The following FHIT variants were observed in gnomAD, a reference collection of about 807,000 sequenced individuals.
The protein encoded by FHIT is fragile histidine triad diadenosine triphosphatase.
Under a neutral mutation model 17.9 loss-of-function variants are expected in FHIT, and 19 were observed. The observed-to-expected ratio is 1.06, with a 90% confidence interval of 0.74 to 1.56. The LOEUF is 1.56. Ranked by LOEUF, FHIT falls within the 40% of genes most tolerant of loss-of-function variation. FHIT has a pLI of 0.00. For synonymous variants in FHIT, 81 were observed against 69.7 expected, an observed-to-expected ratio of 1.16 and a Z score of -0.81; for missense variants, 248 against 189.2, an observed-to-expected ratio of 1.31 and a Z score of -1.82.
chr3:60,112,188 C>T (rs9814915), intron 5 of FHIT, among the ~76,000 whole-genome samples: 109,410 of 151,984 alleles, frequency 0.72, 39,648 homozygotes, highest in South Asian at 0.81. Flanking sequence ...AAAGTTGGTG[C>T]TGGAGAAATA....
Position 60,030,807 on chromosome 3 carries a change from G to A in FHIT, c.104-16655C>T, listed in dbSNP as rs183401247. 3.2e-3 allele frequency among the ~76,000 whole-genome samples: 483 copies of A among 152,140 alleles called. 3 individuals are homozygous for A. The highest frequency in any genetic ancestry group is 0.01 in the Middle Eastern group (3 of 294). On this transcript the variant is annotated intron_variant, in intron 5 of 9. Coordinates refer to ENST00000492590, the MANE Select transcript of FHIT (RefSeq NM_002012.4). Reference sequence around the variant, plus strand: ...TGTCTAAGGGAATGACTATTAGAACGAATGACTGTTGAATGAATTACTGTT... The same window carrying A: ...TGTCTAAGGGAATGACTATTAGAACAAATGACTGTTGAATGAATTACTGTT...
chr3:60,968,892 A>G (rs553219703), intron 3 of FHIT, among the ~76,000 whole-genome samples: 1 of 152,328 alleles, frequency 6.6e-6, no homozygotes, highest in Admixed American at 6.5e-5. Flanking sequence ...TTTTCAAATA[A>G]TCAGCTTGTA....
intron 2 of FHIT, among the ~76,000 whole-genome samples, chr3:61,130,816 G>A (rs2036741585): frequency 6.6e-6 from 1 of 152,172 alleles, no homozygotes; most frequent in Non-Finnish European, 1.5e-5. Flanking sequence ...AAAGAACCAG[G>A]AGACCAGTGG....
chr3:61,205,811 G>A (rs1228191179), intron 1 of FHIT, among the ~76,000 whole-genome samples: 34 of 151,612 alleles, frequency 2.2e-4, no homozygotes, highest in African/African-American at 7.8e-4. Context: ...GTGCAGAAGT[G>A]CTTTAGTTTA....
chr3:60,073,315 G>A (rs2630207), intron 5 of FHIT, among the ~76,000 whole-genome samples: 99,189 of 151,760 alleles, frequency 0.65, 33,324 homozygotes, highest in Middle Eastern at 0.76. Context: ...AAACTATTGG[G>A]AAAGGGGATT....
intron 5 of FHIT, among the ~76,000 whole-genome samples, chr3:60,316,583 A>G (rs1709176665): frequency 6.6e-6 from 1 of 152,196 alleles, no homozygotes; most frequent in Admixed American, 6.5e-5. Flanking sequence ...TTTCCTTGTC[A>G]TTGAGCTAAA....
chr3:60,866,649 T>A (rs1553753928), intron 3 of FHIT, among the ~76,000 whole-genome samples: 1 of 152,198 alleles, frequency 6.6e-6, no homozygotes, highest in African/African-American at 2.4e-5. Flanking sequence ...TTTTAAGCAG[T>A]TGAGTTTTGG....
intron 5 of FHIT, among the ~76,000 whole-genome samples, chr3:60,415,941 A>C (rs1268299153): frequency 6.7e-6 from 1 of 148,700 alleles, no homozygotes; most frequent in Non-Finnish European, 1.5e-5. Context: ...AATTATAATT[A>C]TAGTGTAAAA....
At chr3:60,117,870 C>G (rs1293067195) in intron 5 of FHIT, among the ~76,000 whole-genome samples, 2 of 152,168 alleles carry the variant, frequency 1.3e-5, no homozygotes, top group African/African-American at 2.4e-5. Flanking sequence ...AGACCACCAA[C>G]TGCAGGGTCA....
intron 2 of FHIT, among the ~76,000 whole-genome samples, chr3:61,111,748 A>T (rs1305686565): frequency 3.9e-5 from 6 of 152,238 alleles, no homozygotes. Flanking sequence ...AACTGGAAAG[A>T]AACTAATATT....
chr3:60,587,478 C>G (rs2037943902), intron 4 of FHIT, among the ~76,000 whole-genome samples: 1 of 151,834 alleles, frequency 6.6e-6, no homozygotes, highest in Non-Finnish European at 1.5e-5. Flanking sequence ...ATGTAACAAA[C>G]CTGCTTGTTC....
intron 8 of FHIT, among the ~76,000 whole-genome samples, chr3:59,833,200 T>A (rs985630330): frequency 6.6e-6 from 1 of 152,198 alleles, no homozygotes; most frequent in Non-Finnish European, 1.5e-5. Flanking sequence ...CAGCTTCAAA[T>A]GGATATGTTG....
intron 2 of FHIT, among the ~76,000 whole-genome samples, chr3:61,164,984 T>A (rs1022784755): frequency 6.6e-6 from 1 of 152,246 alleles, no homozygotes; most frequent in Non-Finnish European, 1.5e-5. Flanking sequence ...TCTTTTTTTA[T>A]GACTGTATTG....
chr3:60,558,582 C>G (rs567128955), intron 4 of FHIT, among the ~76,000 whole-genome samples: 1 of 151,902 alleles, frequency 6.6e-6, no homozygotes, highest in African/African-American at 2.4e-5. Flanking sequence ...AACATTTTTC[C>G]CCACTAAATG....
chr3:60,441,241 C>T (rs552895570), intron 5 of FHIT, among the ~76,000 whole-genome samples: 1 of 152,200 alleles, frequency 6.6e-6, no homozygotes, highest in Admixed American at 6.5e-5. Context: ...TACCTTTGCC[C>T]TCTTCAGATT....
chr3:59,951,249 C>G (rs986514247), intron 7 of FHIT, among the ~76,000 whole-genome samples: 5 of 152,054 alleles, frequency 3.3e-5, no homozygotes, highest in African/African-American at 7.2e-5. Context: ...ATGAACCCAC[C>G]TGGGTTCTGT....
chr3:60,773,021 T>G (rs1242694518), intron 4 of FHIT, among the ~76,000 whole-genome samples: 3 of 152,150 alleles, frequency 2.0e-5, no homozygotes, highest in Admixed American at 1.3e-4. Flanking sequence ...TCTATGAGAT[T>G]GATTTGAATA....
intron 3 of FHIT, among the ~76,000 whole-genome samples, chr3:60,935,420 T>C (rs782335802): frequency 6.6e-6 from 1 of 152,172 alleles, no homozygotes. Context: ...AATGGACAAT[T>C]ATGACATGTG....
rs1314039956 is a variant in FHIT at position 60,893,086 on chromosome 3, GGAAGGACTCTCT to G, written c.-110-71087_-110-71076del. Among the ~76,000 whole-genome samples, 3 of 152,128 alleles carry G rather than the reference GGAAGGACTCTCT, an allele frequency of 2.0e-5. No individual in the cohort carries two copies. The East Asian group carries it at 5.8e-4, about 29-fold the overall frequency. ...AGGAGTCTGAGAAACAGCATGTGCT[GGAAGGACTCTCT>G]GAAGCAGGTCAGAAGCCCCTTGTGT... On this transcript the variant is annotated intron_variant, in intron 3 of 9. Transcript: ENST00000492590.
Sources: allele counts gnomAD v4.1 joint callset (sites outside exome capture counted in the v4.1 genomes callset), GRCh38; gene constraint gnomAD v4.1.1; transcripts MANE v1.5; gene names NCBI Gene and HGNC (gene_info 2026-07-23, HGNC 2026-07-21).